CEACAM3: variants seen among roughly 807,000 people sequenced by gnomAD.
CEACAM3 encodes cell adhesion molecule CEACAM3.
A neutral mutation model predicts 30.1 loss-of-function variants in CEACAM3; 32 were observed. That is an observed-to-expected ratio of 1.06 (90% CI 0.80 to 1.43). The LOEUF is 1.43. Ranked by LOEUF, CEACAM3 falls within the 40% of genes most tolerant of loss-of-function variation. CEACAM3 has a pLI of 0.00. For missense variants in CEACAM3, 290 were observed against 316.3 expected (o/e 0.92, Z 0.63); for synonymous variants, 134 against 127.2 (o/e 1.05, Z -0.36).
Position 41,797,580 on chromosome 19 carries a change from C to T in CEACAM3, c.65-9C>T, listed in dbSNP as rs550196605. 8 of 1,608,034 alleles carry T rather than the reference C, an allele frequency of 5.0e-6. No homozygotes were observed. The highest frequency in any genetic ancestry group is 6.0e-6 in the Non-Finnish European group (7 of 1,176,422). ...GTCCCAATATTGACTGATGCTTTCT[C>T]CCTCCTAGCCTCACTTCTAAACTTC... On this transcript the variant is annotated splice_polypyrimidine_tract_variant and intron_variant, in intron 1 of 6. Coordinates refer to ENST00000357396, the MANE Select transcript of CEACAM3 (RefSeq NM_001815.5).
intron 2 of CEACAM3, chr19:41,807,069 C>A (rs1242135256): frequency 6.2e-7 from 1 of 1,608,308 alleles, no homozygotes; most frequent in East Asian, 2.2e-5. Flanking sequence ...GGAGGAATCA[C>A]AGGTGCCACA....
chr19:41,799,867 C>G (rs191437402), intron 2 of CEACAM3, among the ~76,000 whole-genome samples: 6 of 152,166 alleles, frequency 3.9e-5, no homozygotes, highest in Non-Finnish European at 5.9e-5. Flanking sequence ...CTCCAGGGGC[C>G]GGGATCCTTG....
intron 3 of CEACAM3, chr19:41,809,691 T>C (rs1384976826): frequency 5.3e-6 from 2 of 374,468 alleles, no homozygotes; most frequent in East Asian, 4.9e-5. Context: ...GTTTCCTTCC[T>C]TGGGTCCTCA....
intron 2 of CEACAM3, among the ~76,000 whole-genome samples, chr19:41,799,163 T>A (rs2073127246): frequency 6.6e-6 from 1 of 152,210 alleles, no homozygotes; most frequent in Admixed American, 6.5e-5. Context: ...CATGTTGAAA[T>A]GTGATCCCCA....
intron 2 of CEACAM3, among the ~76,000 whole-genome samples, chr19:41,803,094 GAAC>G (rs1347149239): frequency 2.0e-5 from 3 of 152,112 alleles, no homozygotes; most frequent in Non-Finnish European, 4.4e-5. Context: ...TTGAAACTCA[GAAC>G]AACAATCAGA....
chr19:41,809,111 C>T (rs889233274), intron 3 of CEACAM3, 181 bp downstream of exon 3: 6 of 513,232 alleles, frequency 1.2e-5, no homozygotes, highest in Admixed American at 3.5e-5. Flanking sequence ...GCTGCCTCAA[C>T]AGCTTCCTCC....
At chr19:41,805,959 C>T (rs1244628459) in intron 2 of CEACAM3, among the ~76,000 whole-genome samples, 2 of 152,156 alleles carry the variant, frequency 1.3e-5, no homozygotes, top group Non-Finnish European at 2.9e-5. Context: ...CCTGCATGTC[C>T]CCGCCCTCTT....
At position 41,808,837 on chromosome 19, in the gene CEACAM3, T is replaced by TG; in HGVS notation, c.454dup (p.Ala152GlyfsTer36). On this transcript the variant is annotated frameshift_variant, in exon 3 of 7. Coordinates refer to ENST00000357396, the MANE Select transcript of CEACAM3 (RefSeq NM_001815.5). LOFTEE classifies it high-confidence loss of function. ...GAAGAAAATGCCCCAGGCCTTCCTG[T>TG]GGGGGCCGTCGCCGGCATCGTGACC... 2 of 1,612,374 alleles carry TG rather than the reference T, an allele frequency of 1.2e-6. No individual in the cohort carries two copies. The highest frequency in any genetic ancestry group is 1.7e-6 in the Non-Finnish European group (2 of 1,179,076).
chr19:41,804,222 C>T (rs577933949), intron 2 of CEACAM3, among the ~76,000 whole-genome samples: 3 of 152,172 alleles, frequency 2.0e-5, no homozygotes, highest in African/African-American at 7.2e-5. Context: ...GTTCCTGGGA[C>T]CAGGTGGAGC....
At position 41,807,991 on chromosome 19, in the gene CEACAM3, G is replaced by A. The variant is rs557078154; in HGVS notation, c.425-822G>A. 2.0e-5 allele frequency among the ~76,000 whole-genome samples: 3 copies of A among 152,300 alleles called. No individual in the cohort carries two copies. The South Asian group carries it at 6.2e-4, about 32-fold the overall frequency. On this transcript the variant is annotated intron_variant, in intron 2 of 6. Transcript: ENST00000357396. The stretch of plus-strand genomic sequence containing the variant: ...TGCCTCGCCCATAACTCAGCCACTG[G>A]CCTCAGTACAATCACAGTCAAGACA...
intron 1 of CEACAM3, chr19:41,797,108 C>G (rs2122985887): frequency 4.0e-6 from 1 of 249,980 alleles, no homozygotes; most frequent in Non-Finnish European, 7.7e-6. Flanking sequence ...ACTCATCCAC[C>G]AGTATTTGCA....
At chr19:41,804,323 C>T (rs2073181442) in intron 2 of CEACAM3, among the ~76,000 whole-genome samples, 1 of 152,052 alleles carries the variant, frequency 6.6e-6, no homozygotes, top group Non-Finnish European at 1.5e-5. Flanking sequence ...ATGGGGTCTT[C>T]GGGTGGGGAG....
chr19:41,802,503 C>T (rs992037397), intron 2 of CEACAM3, among the ~76,000 whole-genome samples: 5 of 152,122 alleles, frequency 3.3e-5, no homozygotes, highest in African/African-American at 1.2e-4. Flanking sequence ...GCGCTGGGGT[C>T]AGAAATCTGA....
At chr19:41,810,194 C>G in intron 4 of CEACAM3, 129 bp from the exon 5 acceptor site, 1 of 1,343,826 alleles carries the variant, frequency 7.4e-7, no homozygotes, top group Non-Finnish European at 1.0e-6. Context: ...CCTGTGGGCT[C>G]TGGGTCATGG....
At chr19:41,798,763 G>A (rs2073124093) in intron 2 of CEACAM3, among the ~76,000 whole-genome samples, 1 of 152,204 alleles carries the variant, frequency 6.6e-6, no homozygotes, top group Non-Finnish European at 1.5e-5. Flanking sequence ...CCTTTGGGCA[G>A]CTCCTCTATA....
chr19:41,798,838 T>C (rs1555825645), intron 2 of CEACAM3, among the ~76,000 whole-genome samples: 2 of 152,092 alleles, frequency 1.3e-5, no homozygotes, highest in Non-Finnish European at 2.9e-5. Context: ...CACAGCCAAA[T>C]AGCACTTATC....
At chr19:41,801,286 G>C (rs1380271335) in intron 2 of CEACAM3, among the ~76,000 whole-genome samples, 2 of 152,210 alleles carry the variant, frequency 1.3e-5, no homozygotes, top group African/African-American at 4.8e-5. Flanking sequence ...AGCTGGATCA[G>C]AGCCCCTGCC....
In CEACAM3 at chr19:41,810,006, C is replaced by A. The variant is rs1555827349; in HGVS notation, c.584C>A (p.Ala195Asp). 5 of 1,613,938 alleles carry A rather than the reference C, an allele frequency of 3.1e-6. No individual in the cohort carries two copies. Among genetic ancestry groups the A allele is most frequent in the Non-Finnish European group, 4.2e-6 (5 of 1,179,908 alleles). Residue 195 changes from alanine (A) to aspartate (D), a missense_variant, in exon 4 of 7, where the codon GCC (alanine) becomes GAC (aspartate). By Grantham distance (126) the Ala-to-Asp change is moderately radical. Transcript: ENST00000357396. ...GACCTCAAGGAGCAGCAGCCCCAAGCCCTTGCCCCTGGTGAGTGTCCTCTC... is the reference window on the plus strand; with the variant it reads ...GACCTCAAGGAGCAGCAGCCCCAAGACCTTGCCCCTGGTGAGTGTCCTCTC... ...QRDLKEQQPQ[A>D]LAPGRGPSHS...
At chr19:41,804,545 T>C (rs1305540907) in intron 2 of CEACAM3, among the ~76,000 whole-genome samples, 1 of 152,192 alleles carries the variant, frequency 6.6e-6, no homozygotes, top group African/African-American at 2.4e-5. Context: ...TCTCCTAATT[T>C]GGTATTTTTC....
Sources: allele counts gnomAD v4.1 joint callset (sites outside exome capture counted in the v4.1 genomes callset), GRCh38; gene constraint gnomAD v4.1.1; transcripts MANE v1.5; gene names NCBI Gene and HGNC (gene_info 2026-07-23, HGNC 2026-07-21).